The following INTS9 variants were observed in gnomAD, a reference collection of about 807,000 sequenced individuals.
INTS9 encodes integrator complex subunit 9.
A neutral mutation model predicts 79.7 loss-of-function variants in INTS9; 55 were observed. The observed-to-expected ratio is 0.69, with a 90% CI of 0.56 to 0.86. The LOEUF (loss-of-function observed/expected upper bound fraction) is 0.86. Ranked by LOEUF, INTS9 falls within the 40% of genes least tolerant of loss-of-function variation. INTS9 has a pLI of 0.00. For missense variants in INTS9, 721 were observed against 831.5 expected, an observed-to-expected ratio of 0.87 and a Z score of 1.64; for synonymous variants, 319 against 325.2, an observed-to-expected ratio of 0.98 and a Z score of 0.20.
At chr8:28,799,718 C>G (rs1585375036) in intron 8 of INTS9, among the ~76,000 whole-genome samples, 1 of 152,318 alleles carries the variant, frequency 6.6e-6, no homozygotes, top group East Asian at 1.9e-4. Flanking sequence ...AAAAAGCCAT[C>G]TTGTCCAAGT....
At chr8:28,780,691 G>A (rs907588674) in intron 12 of INTS9, 132 bp downstream of exon 12, 17 of 1,461,498 alleles carry the variant, frequency 1.2e-5, no homozygotes, top group Non-Finnish European at 1.4e-5. Flanking sequence ...TCATTCTTTG[G>A]TACCTACAGT....
intron 1 of INTS9, among the ~76,000 whole-genome samples, chr8:28,874,876 A>G (rs539594974): frequency 1.3e-5 from 2 of 152,352 alleles, no homozygotes; most frequent in Admixed American, 1.3e-4. Flanking sequence ...CACTGCTGAT[A>G]AAGACATACC....
At position 28,768,360 on chromosome 8, in the gene INTS9, C is replaced by T. The variant is rs755202103; in HGVS notation, c.1801-38G>A. On this transcript the variant is annotated intron_variant, in intron 16 of 16. Transcript: ENST00000521022. ...AAAAGAAAGAGGTGGGCTGGGCAGA[C>T]TGCACATCTGTGAGATCTGTAAATG... is the stretch of plus-strand genomic sequence containing the variant. The T allele has an allele frequency of 4.4e-6, 7 of 1,588,114 alleles. No individual in the cohort carries two copies. In the East Asian group the frequency reaches 1.3e-4, roughly 30 times the overall value.
chr8:28,850,164 G>A, intron 3 of INTS9, 49 bp downstream of exon 3: 1 of 1,496,046 alleles, frequency 6.7e-7, no homozygotes, highest in Non-Finnish European at 9.3e-7. Context: ...TGAGAAGATA[G>A]CTTTCCACTG....
At chr8:28,859,391 A>G (rs1808332917) in intron 2 of INTS9, 45 bp downstream of exon 2, 1 of 1,601,662 alleles carries the variant, frequency 6.2e-7, no homozygotes, top group African/African-American at 1.3e-5. Flanking sequence ...ACCATTTTTC[A>G]GCAAACTTAA....
intron 1 of INTS9, among the ~76,000 whole-genome samples, chr8:28,876,979 A>C (rs1255031927): frequency 6.6e-6 from 1 of 152,178 alleles, no homozygotes; most frequent in Non-Finnish European, 1.5e-5. Flanking sequence ...TTATTCTTAG[A>C]CTCAATGATA....
intron 15 of INTS9, 87 bp from the exon 16 acceptor site, chr8:28,770,113 C>T: frequency 2.7e-6 from 4 of 1,502,154 alleles, no homozygotes; most frequent in Non-Finnish European, 2.7e-6. Flanking sequence ...TGAGACTATC[C>T]TGTCCTCACA....
intron 1 of INTS9, among the ~76,000 whole-genome samples, chr8:28,863,305 T>A (rs1246584573): frequency 6.6e-6 from 1 of 152,226 alleles, no homozygotes; most frequent in Non-Finnish European, 1.5e-5. Flanking sequence ...GCTTTCATGT[T>A]CATTTTATTC....
chr8:28,832,209 G>A (rs2131159182), intron 6 of INTS9, among the ~76,000 whole-genome samples: 1 of 152,220 alleles, frequency 6.6e-6, no homozygotes, highest in Middle Eastern at 3.4e-3. Context: ...GGAGAGAAAA[G>A]AAAAGAAGGG....
chr8:28,837,619 C>T lies in INTS9; in HGVS notation c.401+18G>A. On this transcript the variant is annotated intron_variant, in intron 5 of 16. Transcript: ENST00000521022. ...CTCCGCAGTCACATCCTAGCAGGGT[C>T]AGAATCAACCCTCTCACCTGCCGAT... 1 of 1,610,236 alleles carries T rather than the reference C, an allele frequency of 6.2e-7. No individual in the cohort carries two copies. Among genetic ancestry groups the T allele is most frequent in the Non-Finnish European group, 8.5e-7 (1 of 1,178,652 alleles).
At chr8:28,821,204 A>G (rs1805806766) in intron 6 of INTS9, among the ~76,000 whole-genome samples, 1 of 152,246 alleles carries the variant, frequency 6.6e-6, no homozygotes, top group African/African-American at 2.4e-5. Context: ...CACTGCTGAT[A>G]AAGACATACT....
At chr8:28,840,706 A>G (rs1290370947) in intron 4 of INTS9, among the ~76,000 whole-genome samples, 1 of 146,668 alleles carries the variant, frequency 6.8e-6, no homozygotes, top group Non-Finnish European at 1.5e-5. Context: ...AAAACCAAAC[A>G]CCGCATATTC....
chr8:28,879,926 G>A (rs1292106911), intron 1 of INTS9, among the ~76,000 whole-genome samples: 1 of 152,070 alleles, frequency 6.6e-6, no homozygotes, highest in Non-Finnish European at 1.5e-5. Flanking sequence ...TCTTTTTGGA[G>A]TAATGGAAAT....
chr8:28,819,664 T>C (rs1383580617), intron 6 of INTS9, among the ~76,000 whole-genome samples: 2 of 152,216 alleles, frequency 1.3e-5, no homozygotes, highest in Non-Finnish European at 2.9e-5. Context: ...AGATGTCTAT[T>C]AGGTCTGCTT....
intron 2 of INTS9, among the ~76,000 whole-genome samples, chr8:28,856,289 G>T (rs144554758): frequency 2.9e-4 from 44 of 152,296 alleles, no homozygotes; most frequent in African/African-American, 9.9e-4. Context: ...CAGTTTTCTG[G>T]TTTTTATAAA....
chr8:28,856,885 T>C (rs939830986), intron 2 of INTS9, among the ~76,000 whole-genome samples: 29 of 152,166 alleles, frequency 1.9e-4, no homozygotes, highest in Admixed American at 1.7e-3. Flanking sequence ...CTAGCCCTTC[T>C]AGCAGTCCCC....
In INTS9 at chr8:28,793,927, T is replaced by C. The variant is rs765972953; in HGVS notation, c.917A>G (p.Tyr306Cys). Residue 306 changes from tyrosine to cysteine, a missense_variant, in exon 10 of 17, where the codon TAT becomes TGT. Around this residue, in one of 3 missense-constraint regions of INTS9, gnomAD observed 149 missense variants for 223.7 expected, o/e 0.67. Coordinates refer to ENST00000521022, the MANE Select transcript of INTS9 (RefSeq NM_018250.4). Reference sequence around the variant, plus strand: ...CTGATATAGGCACTCCAGGAGGTCATAGATCACTCCAGAAGGGTAGCAGGG... The same window carrying C: ...CTGATATAGGCACTCCAGGAGGTCACAGATCACTCCAGAAGGGTAGCAGGG... ...LVPCYPSGVI[Y>C]DLLECLYQYI... The C allele has an allele frequency of 1.8e-5, 29 of 1,613,976 alleles. No homozygotes were observed. The highest frequency in any genetic ancestry group is 1.1e-4 in the South Asian group (10 of 91,072).
chr8:28,777,866 T>C lies in INTS9; in HGVS notation c.1358A>G (p.Asn453Ser). The change falls in exon 13 of 17, where the codon AAC (asparagine) becomes AGC (serine). Residue 453 changes from asparagine (N) to serine (S), a missense_variant. Coordinates refer to ENST00000521022, the MANE Select transcript of INTS9 (RefSeq NM_018250.4). ...CIYCPIDTRL[N>S]FIQVSKLLKE... ...AAGCAGCTTTGACACCTGGATGAAG[T>C]TCAGCCGGGTGTCGATGGGGCAGTA... 1 of 1,612,400 alleles carries C rather than the reference T, an allele frequency of 6.2e-7. No homozygotes were observed. Among genetic ancestry groups the C allele is most frequent in the Non-Finnish European group, 8.5e-7 (1 of 1,179,182 alleles).
intron 10 of INTS9, among the ~76,000 whole-genome samples, chr8:28,788,994 T>C (rs184646348): frequency 2.0e-5 from 3 of 152,350 alleles, no homozygotes; most frequent in Admixed American, 2.0e-4. Context: ...GGATTTTGTA[T>C]TAATACATTG....
Sources: allele counts gnomAD v4.1 joint callset (sites outside exome capture counted in the v4.1 genomes callset), GRCh38; gene constraint gnomAD v4.1.1; regional missense constraint gnomAD v4.1.1; transcripts MANE v1.5; gene names NCBI Gene and HGNC (gene_info 2026-07-23, HGNC 2026-07-21).